The following FKBP10 variants were observed in gnomAD, a reference collection of about 807,000 sequenced individuals.
The protein encoded by FKBP10 is peptidyl-prolyl cis-trans isomerase FKBP10.
Under a neutral mutation model 53.7 loss-of-function variants are expected in FKBP10, and 34 were observed. The observed-to-expected ratio is 0.63, with a 90% CI of 0.48 to 0.84. The LOEUF is 0.84. Ranked by LOEUF, FKBP10 falls within the 40% of genes least tolerant of loss-of-function variation. The pLI, the probability that FKBP10 is intolerant of heterozygous loss-of-function variation, is 0.00. For synonymous variants in FKBP10, 324 were observed against 335.7 expected (o/e 0.97, Z 0.38); for missense variants, 748 against 797.8 (o/e 0.94, Z 0.75).
intron 7 of FKBP10, 185 bp from the exon 8 acceptor site, chr17:41,820,762 A>T: frequency 1.2e-6 from 1 of 827,276 alleles, no homozygotes; most frequent in Non-Finnish European, 1.8e-6. Flanking sequence ...TAGGGGGCAG[A>T]GGCAAGATGA....
In FKBP10 at chr17:41,822,594, C is replaced by A. The variant is rs1220956476; in HGVS notation, c.*186C>A. The A allele has an allele frequency of 1.2e-5, 8 of 671,774 alleles. No individual in the cohort carries two copies. Among genetic ancestry groups the A allele is most frequent in the South Asian group, 1.8e-5 (1 of 56,056 alleles). The allele number at this position is 671,774 out of a possible 1,614,324, so 41.6% of individuals were successfully genotyped here. A position where few individuals can be genotyped will look rare whatever the true frequency, so the allele number is the denominator to read the frequency against. Reference sequence around the variant, plus strand: ...CCTAGATGAAAATCCACAGCACAGACCTCTACCGTGTTTCTCTTCCATCCC... The same window carrying A: ...CCTAGATGAAAATCCACAGCACAGAACTCTACCGTGTTTCTCTTCCATCCC... On this transcript the variant is annotated 3_prime_UTR_variant, in exon 10 of 10. Coordinates refer to ENST00000321562, the MANE Select transcript of FKBP10 (RefSeq NM_021939.4).
At chr17:41,816,995 G>A in intron 1 of FKBP10, 63 bp from the exon 2 acceptor site, 2 of 1,611,628 alleles carry the variant, frequency 1.2e-6, no homozygotes, top group Non-Finnish European at 1.7e-6. Context: ...GTGCATCTGT[G>A]CCACCATGGG....
At chr17:41,818,905 G>T in intron 4 of FKBP10, 1 of 413,330 alleles carries the variant, frequency 2.4e-6, no homozygotes, top group East Asian at 5.2e-5. Flanking sequence ...GCAGTGAGCC[G>T]AGATCGCGCC....
chr17:41,822,289 G>C lies in FKBP10; in HGVS notation c.1630G>C (p.Glu544Gln). ...KGRLMPGQDP[E>Q]KTIGDMFQNQ... ...ACGCCTCATGCCTGGGCAGGACCCT[G>C]AGAAAACCATAGGAGACATGTTCCA... The change falls in exon 10 of 10, where the codon GAG (glutamate) becomes CAG (glutamine). Residue 544 changes from glutamate to glutamine, a missense_variant. Physicochemically the swap from Glu to Gln is conservative, Grantham distance 29. Coordinates refer to ENST00000321562, the MANE Select transcript of FKBP10 (RefSeq NM_021939.4). 1 of 1,613,938 alleles carries C rather than the reference G, an allele frequency of 6.2e-7. No individual in the cohort carries two copies. Among genetic ancestry groups the C allele is most frequent in the Non-Finnish European group, 8.5e-7 (1 of 1,179,954 alleles).
rs1276157695 is a variant in FKBP10 at position 41,818,279 on chromosome 17, G to T, written c.581+1G>T. On this transcript the variant is annotated splice_donor_variant, in intron 3 of 9. Transcript: ENST00000321562. LOFTEE classifies it high-confidence loss of function. ...TGGACGGCACCTCCTTCGACACCAG[G>T]TGAGGGGCTGGAGGGGAGCCCTGAG... 1 of 1,613,798 alleles carries T rather than the reference G, an allele frequency of 6.2e-7. No individual in the cohort carries two copies. The highest frequency in any genetic ancestry group is 8.5e-7 in the Non-Finnish European group (1 of 1,180,054).
intron 6 of FKBP10, 109 bp from the exon 7 acceptor site, chr17:41,820,160 G>T: frequency 2.2e-6 from 3 of 1,344,412 alleles, no homozygotes; most frequent in Non-Finnish European, 2.1e-6. Flanking sequence ...TCCTCCTTTG[G>T]ATCCTCAGGG....
chr17:41,821,095 G>C lies in FKBP10; in HGVS notation c.1399+6G>C. On this transcript the variant is annotated splice_donor_region_variant and intron_variant, in intron 8 of 9. Transcript: ENST00000321562. ...GGCCCACGGGGAGAGTGGAGGTGAG[G>C]GGCTGAGACCATAATCTTTTTTTTT... The C allele has an allele frequency of 6.7e-7, 1 of 1,498,844 alleles. No homozygotes were observed. The allele number at this position is 1,498,844 out of a possible 1,614,324, so 92.8% of individuals were successfully genotyped here.
rs2047873095 is a variant in FKBP10, at chr17:41,820,226, C to T, written c.1064-43C>T. 4 of 1,605,510 alleles carry T rather than the reference C, an allele frequency of 2.5e-6. No individual in the cohort carries two copies. In the East Asian group the frequency reaches 8.9e-5, roughly 36 times the overall value. On this transcript the variant is annotated intron_variant, in intron 6 of 9. Transcript: ENST00000321562. ...CATGGAGAGACCTCAAGTAGCCTCTCCTAGTGCTCTGAGCTGACCACACTC... is the reference window on the plus strand; with the variant it reads ...CATGGAGAGACCTCAAGTAGCCTCTTCTAGTGCTCTGAGCTGACCACACTC...
chr17:41,822,535 A>C lies in FKBP10; in HGVS notation c.*127A>C. ...TGAGGTCCAGGAGCCAACTAAAACA[A>C]TGGCAGAGGAGACATCTCTGGTGTT... On this transcript the variant is annotated 3_prime_UTR_variant, in exon 10 of 10. Coordinates refer to ENST00000321562, the MANE Select transcript of FKBP10 (RefSeq NM_021939.4). The C allele has an allele frequency of 2.9e-6, 3 of 1,025,338 alleles. No individual in the cohort carries two copies. Among genetic ancestry groups the C allele is most frequent in the South Asian group, 1.4e-5 (1 of 73,020 alleles). 63.5% of individuals were successfully genotyped at this position (1,025,338 alleles called of 1,614,324 possible). A position where few individuals can be genotyped will look rare whatever the true frequency, so the allele number is the denominator to read the frequency against.
rs1555616750 is a variant in FKBP10, at chr17:41,819,973, G to A, written c.1064-296G>A. ...TACCCCCAGGACCCAGCTGTGCTGG[G>A]AGCCTCAGTGTCCTCACCTGTCAAG... On this transcript the variant is annotated intron_variant, in intron 6 of 9. Transcript: ENST00000321562. 3 of 1,527,614 alleles carry A rather than the reference G, an allele frequency of 2.0e-6. No individual in the cohort carries two copies. In the African/African-American group the frequency reaches 4.1e-5, roughly 21 times the overall value. The allele number at this position is 1,527,614 out of a possible 1,614,324, so 94.6% of individuals were successfully genotyped here. A position where few individuals can be genotyped will look rare whatever the true frequency, so the allele number is the denominator to read the frequency against.
At position 41,813,121 on chromosome 17, in the gene FKBP10, G is replaced by A. The variant is rs1201302886; in HGVS notation, c.87G>A (p.Arg29=). The change falls in exon 1 of 10, where the codon AGG becomes AGA. Residue 29 remains arginine, a synonymous_variant. Transcript: ENST00000321562. ...LLLLVVQAVG[R]GLGRASPAGG... ...TACTGGTGGTGCAGGCCGTGGGGAG[G>A]GGGCTGGGCCGCGCCAGCCCGGCCG... The A allele has an allele frequency of 1.2e-6, 2 of 1,611,362 alleles. No individual in the cohort carries two copies. Among genetic ancestry groups the A allele is most frequent in the Non-Finnish European group, 1.7e-6 (2 of 1,179,630 alleles).
chr17:41,813,042 C>T lies in FKBP10; in HGVS notation c.8C>T (p.Pro3Leu). The change falls in exon 1 of 10, where the codon CCC becomes CTC. Residue 3 changes from proline (P) to leucine (L), a missense_variant. By Grantham distance (98) the Pro-to-Leu change is moderately conservative. Coordinates refer to ENST00000321562, the MANE Select transcript of FKBP10 (RefSeq NM_021939.4). ...GTCCCAACTCCAGGCACCATGTTCC[C>T]CGCGGGCCCCCCCAGCCACAGCCTC... is the stretch of plus-strand genomic sequence containing the variant. Reference protein sequence around the residue: MFPAGPPSHSLLR... With the variant: MFLAGPPSHSLLR... 1.2e-6 allele frequency: 2 copies of T among 1,609,860 alleles called. No homozygotes were observed. The highest frequency in any genetic ancestry group is 2.2e-4 in the Middle Eastern group (1 of 4,496).
intron 4 of FKBP10, 28 bp downstream of exon 4, chr17:41,818,555 A>G: frequency 1.2e-6 from 2 of 1,613,884 alleles, no homozygotes; most frequent in East Asian, 2.2e-5. Flanking sequence ...CACAAGGGGA[A>G]ATTCCGCAGA....
Position 41,813,087 on chromosome 17 carries a change from AG to A in FKBP10, c.54del (p.Gln18HisfsTer141). 6.2e-7 allele frequency: 1 copy of A among 1,610,852 alleles called. No individual in the cohort carries two copies. Among genetic ancestry groups the A allele is most frequent in the African/African-American group, 1.3e-5 (1 of 74,946 alleles). Reference sequence around the variant, plus strand: ...AGCCTCCTCCGGCTCCCCCTGCTGCAGTTGCTGCTACTGGTGGTGCAGGCCG... The same window carrying A: ...AGCCTCCTCCGGCTCCCCCTGCTGCATTGCTGCTACTGGTGGTGCAGGCCG... ...SHSLLRLPLLQLLLLVVQAVG... is the reference protein window; with the variant it reads ...SHSLLRLPLLXLLLLVVQAVG... On this transcript the variant is annotated frameshift_variant, in exon 1 of 10. Coordinates refer to ENST00000321562, the MANE Select transcript of FKBP10 (RefSeq NM_021939.4). LOFTEE classifies it high-confidence loss of function.
In FKBP10 at chr17:41,818,055, A is replaced by C. The variant is rs376102585; in HGVS notation, c.392-34A>C. On this transcript the variant is annotated intron_variant, in intron 2 of 9. Transcript: ENST00000321562. ...CTGGGATCGTGGTTGGCAGAGCAGA[A>C]CTCTGAGACCTCCACGCTGCTGCGC... The C allele has an allele frequency of 9.0e-6, 14 of 1,561,444 alleles. No homozygotes were observed. In the African/African-American group the frequency reaches 1.8e-4, roughly 20 times the overall value.
chr17:41,819,285 T>C lies in FKBP10; in HGVS notation c.803T>C (p.Val268Ala). ...GACGTGCACAACCCGAAGGACGCTG[T>C]CCAGCTAGAGACGCTGGAGCTCCCC... is the stretch of plus-strand genomic sequence containing the variant. ...LIDVHNPKDA[V>A]QLETLELPPG... Residue 268 changes from valine to alanine, a missense_variant, in exon 5 of 10, where the codon GTC becomes GCC. Physicochemically the swap from Val to Ala is moderately conservative, Grantham distance 64. Coordinates refer to ENST00000321562, the MANE Select transcript of FKBP10 (RefSeq NM_021939.4). The C allele has an allele frequency of 1.2e-6, 2 of 1,614,134 alleles. No individual in the cohort carries two copies. Among genetic ancestry groups the C allele is most frequent in the Non-Finnish European group, 1.7e-6 (2 of 1,180,032 alleles).
chr17:41,818,012 GGA>G, intron 2 of FKBP10, 75 bp from the exon 3 acceptor site: 1 of 1,421,498 alleles, frequency 7.0e-7, no homozygotes, highest in African/African-American at 1.4e-5. Context: ...GAGAGGAAGG[GGA>G]ATAACAGGGC....
Position 41,819,407 on chromosome 17 carries a change from G to A in FKBP10, c.917+8G>A, listed in dbSNP as rs200323569. 5.6e-6 allele frequency: 9 copies of A among 1,614,050 alleles called. No individual in the cohort carries two copies. The highest frequency in any genetic ancestry group is 2.2e-5 in the East Asian group (1 of 44,866). On this transcript the variant is annotated splice_region_variant and intron_variant, in intron 5 of 9. Coordinates refer to ENST00000321562, the MANE Select transcript of FKBP10 (RefSeq NM_021939.4). The stretch of plus-strand genomic sequence containing the variant: ...CACCCTCTTCGATTCCAGGTCAGGA[G>A]GGTCTTGAGGTGGGAGGGCGGGGGC...
intron 6 of FKBP10, 71 bp downstream of exon 6, chr17:41,819,746 C>T: frequency 1.3e-6 from 2 of 1,554,302 alleles, no homozygotes; most frequent in Non-Finnish European, 1.7e-6. Flanking sequence ...CCACCCCCTC[C>T]CACAGTGGGA....
Sources: gnomAD v4.1 joint callset for allele counts on GRCh38, gnomAD v4.1.1 for gene constraint, MANE v1.5 for transcripts, NCBI Gene and HGNC (gene_info 2026-07-23, HGNC 2026-07-21) for gene names.